Variants in DIXDC1 observed in about 807,000 individuals in gnomAD.
DIXDC1 encodes DIX domain containing 1.
In DIXDC1, 64 loss-of-function variants were observed where a neutral mutation model predicts 103.1. The ratio of observed to expected loss-of-function variants is 0.62; its 90% CI spans 0.51 to 0.76. The LOEUF is 0.76. Ranked by LOEUF, DIXDC1 falls within the 30% of genes least tolerant of loss-of-function variation. The pLI, the probability that DIXDC1 is intolerant of heterozygous loss-of-function variation, is 0.00. For missense variants in DIXDC1, 759 were observed against 834.2 expected, an observed-to-expected ratio of 0.91 and a Z score of 1.11; for synonymous variants, 266 against 298.5, an observed-to-expected ratio of 0.89 and a Z score of 1.12.
intron 1 of DIXDC1, among the ~76,000 whole-genome samples, chr11:111,954,530 A>C (rs587658910): frequency 8.6e-4 from 131 of 152,336 alleles, no homozygotes; most frequent in African/African-American, 3.1e-3. Flanking sequence ...TCTAGAGATG[A>C]TTTAAAAGGG....
intron 1 of DIXDC1, chr11:111,945,777 AT>A (rs57174913): frequency 1 from 151,882 of 151,888 alleles, 75,938 homozygotes; most frequent in East Asian, 1. Context: ...GCTGACATGG[AT>A]TTTTTTTTGA....
At chr11:112,013,332 TG>T (rs1227115079) in intron 17 of DIXDC1, among the ~76,000 whole-genome samples, 927 of 28,134 alleles carry the variant, frequency 0.033, 16 homozygotes, top group African/African-American at 0.055. Context: ...GGGGGTGGGG[TG>T]GGGGGGGGGA....
chr11:111,951,869 C>CT (rs35155467), intron 1 of DIXDC1, among the ~76,000 whole-genome samples: 138,437 of 143,396 alleles, frequency 0.97, 66,815 homozygotes, highest in South Asian at 0.99. Context: ...TCCATTAAAA[C>CT]TTTTTTTTTT....
In DIXDC1 at chr11:112,017,965, C is replaced by A; in HGVS notation, c.1971+80C>A. The A allele has an allele frequency of 8.7e-7, 1 of 1,149,856 alleles. No homozygotes were observed. The highest frequency in any genetic ancestry group is 1.3e-6 in the Non-Finnish European group (1 of 798,872). The allele number at this position is 1,149,856 out of a possible 1,614,324, so 71.2% of individuals were successfully genotyped here. ...AGCCTCCTGTTCAAGCACTAGTGTC[C>A]AGAAGTACATGAGTTCCCTGACTAG... On this transcript the variant is annotated intron_variant, in intron 19 of 19. Coordinates refer to ENST00000440460, the MANE Select transcript of DIXDC1 (RefSeq NM_001037954.4). The surrounding 1 kb of genome is among the most constrained non-coding windows in gnomAD (Gnocchi z 4.0).
At position 112,021,002 on chromosome 11, in the gene DIXDC1, A is replaced by T. The variant is rs1350157490; in HGVS notation, c.*1966A>T. On this transcript the variant is annotated 3_prime_UTR_variant, in exon 20 of 20. Transcript: ENST00000440460. ...TTTTAGTGTTTTGCTATAAGACAGC[A>T]TGAGGGCTATCAGGCCAAAATTCAT... is the stretch of plus-strand genomic sequence containing the variant. 2.0e-5 allele frequency: 3 copies of T among 152,254 alleles called. No homozygotes were observed. Among genetic ancestry groups the T allele is most frequent in the African/African-American group, 7.2e-5 (3 of 41,480 alleles). The allele number at this position is 152,254 out of a possible 1,614,324, so 9.4% of individuals were successfully genotyped here. A position where few individuals can be genotyped will look rare whatever the true frequency, so the allele number is the denominator to read the frequency against.
intron 1 of DIXDC1, among the ~76,000 whole-genome samples, chr11:111,952,036 T>C (rs1184554553): frequency 6.6e-6 from 1 of 152,138 alleles, no homozygotes; most frequent in Non-Finnish European, 1.5e-5. Context: ...TGGCTAATTT[T>C]TGTATTTTTA....
chr11:112,012,189 G>A (rs1426945198), intron 17 of DIXDC1, among the ~76,000 whole-genome samples: 1 of 152,168 alleles, frequency 6.6e-6, no homozygotes, highest in Non-Finnish European at 1.5e-5. Flanking sequence ...GGCTTTTGTA[G>A]ATATAAACAA....
intron 16 of DIXDC1, 29 bp downstream of exon 16, chr11:111,995,593 A>G: frequency 1.9e-6 from 3 of 1,609,820 alleles, no homozygotes; most frequent in Non-Finnish European, 2.5e-6. Flanking sequence ...TATCTCTCTT[A>G]GGCAAGCTCC....
intron 5 of DIXDC1, among the ~76,000 whole-genome samples, chr11:111,979,918 C>A (rs1323892013): frequency 3.9e-5 from 6 of 152,166 alleles, no homozygotes; most frequent in Non-Finnish European, 7.3e-5. Context: ...GGAGCCACTG[C>A]ACTCCAACCT....
upstream of DIXDC1, among the ~76,000 whole-genome samples, chr11:111,936,657 C>T (rs1342779286): frequency 1.3e-5 from 2 of 152,102 alleles, no homozygotes; most frequent in Admixed American, 1.3e-4. Flanking sequence ...CCTCTTTTCC[C>T]CCTTTCTTCC....
At chr11:112,001,580 A>T (rs1555176003) in intron 17 of DIXDC1, among the ~76,000 whole-genome samples, 4 of 152,144 alleles carry the variant, frequency 2.6e-5, no homozygotes, top group African/African-American at 9.7e-5. Context: ...TGGATAATCT[A>T]AAAAATCGTA....
intron 17 of DIXDC1, among the ~76,000 whole-genome samples, chr11:112,013,073 G>A (rs1302084304): frequency 1.3e-5 from 2 of 152,114 alleles, no homozygotes; most frequent in Non-Finnish European, 1.5e-5. Context: ...AGAAGTACAA[G>A]ATCAGGTTGC....
At chr11:111,953,903 C>T (rs190580449) in intron 1 of DIXDC1, among the ~76,000 whole-genome samples, 81 of 152,064 alleles carry the variant, frequency 5.3e-4, no homozygotes, top group African/African-American at 1.7e-3. Context: ...CAACAAACTG[C>T]AGATCAGAAA....
chr11:111,949,283 A>G (rs1555169643), intron 1 of DIXDC1, among the ~76,000 whole-genome samples: 1 of 151,822 alleles, frequency 6.6e-6, no homozygotes, highest in Non-Finnish European at 1.5e-5. Context: ...GAACATCTAT[A>G]CTCTGGTGTT....
In DIXDC1 at chr11:111,998,507, C is replaced by A. The variant is rs1420075835; in HGVS notation, c.1756+2361C>A. On this transcript the variant is annotated intron_variant, in intron 17 of 19. Coordinates refer to ENST00000440460, the MANE Select transcript of DIXDC1 (RefSeq NM_001037954.4). This position sits in a 1 kb window ranked among gnomAD's most constrained non-coding sequence, Gnocchi z 4.1. ...ATAATTTTTATGTTTTATCTCAAAT[C>A]TCAGTTATTTTCTGAGCTTCAGTAC... is the stretch of plus-strand genomic sequence containing the variant. Among the ~76,000 whole-genome samples the A allele has an allele frequency of 6.6e-6, 1 of 152,170 alleles. No homozygotes were observed. Among genetic ancestry groups the A allele is most frequent in the Non-Finnish European group, 1.5e-5 (1 of 68,024 alleles).
chr11:111,946,020 T>C (rs372597156), intron 1 of DIXDC1, among the ~76,000 whole-genome samples: 30 of 146,538 alleles, frequency 2.0e-4, no homozygotes, highest in African/African-American at 7.0e-4. Flanking sequence ...CACTGCAAAC[T>C]CCGCCTCCTG....
At position 111,996,399 on chromosome 11, in the gene DIXDC1, A is replaced by G. The variant is rs147110274; in HGVS notation, c.1756+253A>G. On this transcript the variant is annotated intron_variant, in intron 17 of 19. Coordinates refer to ENST00000440460, the MANE Select transcript of DIXDC1 (RefSeq NM_001037954.4). ...AGAGAGGCTAAAATATCTTTGAAGA[A>G]CACAGAAGCTCAAAAGATTTATGCT... 3 of 311,646 alleles carry G rather than the reference A, an allele frequency of 9.6e-6. No individual in the cohort carries two copies. In the East Asian group the frequency reaches 1.9e-4, roughly 19 times the overall value. 19.3% of individuals were successfully genotyped at this position (311,646 alleles called of 1,614,324 possible).
chr11:112,020,168 G>A lies in DIXDC1; in HGVS notation c.*1132G>A, dbSNP rs1462790421. On this transcript the variant is annotated 3_prime_UTR_variant, in exon 20 of 20. Coordinates refer to ENST00000440460, the MANE Select transcript of DIXDC1 (RefSeq NM_001037954.4). ...CATTTCTGATGTGCAACATTGTCAAGTGAAGAAGCTAACAGTTCAACTACC... is the reference window on the plus strand; with the variant it reads ...CATTTCTGATGTGCAACATTGTCAAATGAAGAAGCTAACAGTTCAACTACC... 9.2e-5 allele frequency: 14 copies of A among 152,588 alleles called. No individual in the cohort carries two copies. Among genetic ancestry groups the A allele is most frequent in the Non-Finnish European group, 1.5e-5 (1 of 68,042 alleles). The allele number at this position is 152,588 out of a possible 1,614,324, so 9.5% of individuals were successfully genotyped here.
At position 111,964,499 on chromosome 11, in the gene DIXDC1, G is replaced by A. The variant is rs369971206; in HGVS notation, c.61-50G>A. ...CTTCCTCAGAGGGTATGAGGTAAGGGTTGAGATTAATATGCTCTCTTTCCC... is the reference window on the plus strand; with the variant it reads ...CTTCCTCAGAGGGTATGAGGTAAGGATTGAGATTAATATGCTCTCTTTCCC... On this transcript the variant is annotated intron_variant, in intron 1 of 19. Coordinates refer to ENST00000440460, the MANE Select transcript of DIXDC1 (RefSeq NM_001037954.4). 3.2e-6 allele frequency: 5 copies of A among 1,554,244 alleles called. No individual in the cohort carries two copies. In the Admixed American group the frequency reaches 7.8e-5, roughly 24 times the overall value.
Sources: allele counts gnomAD v4.1 joint callset (sites outside exome capture counted in the v4.1 genomes callset), GRCh38; gene constraint gnomAD v4.1.1; non-coding constraint Gnocchi (gnomAD v3.1); transcripts MANE v1.5; gene names NCBI Gene and HGNC (gene_info 2026-07-23, HGNC 2026-07-21).